Variants in POU6F2 observed in about 807,000 individuals in gnomAD.
POU6F2 encodes POU class 6 homeobox 2.
POU6F2 carries 31 observed loss-of-function variants against 71.3 expected under a neutral mutation model. The ratio of observed to expected loss-of-function variants is 0.43; its 90% confidence interval spans 0.33 to 0.59. POU6F2 has a LOEUF of 0.59. POU6F2 is among the 20% of genes least tolerant of loss of function. The pLI is 0.04. For missense variants in POU6F2, 783 were observed against 856.8 expected (o/e 0.91, Z 1.07); for synonymous variants, 347 against 355.7 (o/e 0.98, Z 0.27).
intron 6 of POU6F2, among the ~76,000 whole-genome samples, chr7:39,427,464 TTAAA>T (rs1787997724): frequency 6.6e-6 from 1 of 152,174 alleles, no homozygotes. Context: ...TTATTGCTGT[TTAAA>T]TAACATCAGT....
At chr7:39,022,652 T>A (rs1584504531) in intron 1 of POU6F2, among the ~76,000 whole-genome samples, 1 of 152,174 alleles carries the variant, frequency 6.6e-6, no homozygotes, top group East Asian at 1.9e-4. Flanking sequence ...TCACTCAGTG[T>A]AACATCTGTG....
chr7:39,259,621 G>C (rs183299302), intron 4 of POU6F2, among the ~76,000 whole-genome samples: 1 of 152,136 alleles, frequency 6.6e-6, no homozygotes, highest in Non-Finnish European at 1.5e-5. Flanking sequence ...GGGACACACA[G>C]GGAGCCTGGG....
At chr7:39,122,709 T>G (rs1190474776) in intron 2 of POU6F2, among the ~76,000 whole-genome samples, 1 of 150,586 alleles carries the variant, frequency 6.6e-6, no homozygotes, top group Non-Finnish European at 1.5e-5. Flanking sequence ...TGCCTATTTT[T>G]TTTTTTTTTT....
intron 4 of POU6F2, among the ~76,000 whole-genome samples, chr7:39,293,681 C>T (rs1784803218): frequency 1.3e-5 from 2 of 152,196 alleles, no homozygotes; most frequent in Non-Finnish European, 2.9e-5. Context: ...GTCTTTGGGT[C>T]AGCTTTGCAT....
At position 39,049,086 on chromosome 7, in the gene POU6F2, C is replaced by A. The variant is rs182409437; in HGVS notation, c.106-36774C>A. ...TCTTTATTTTGGCAATTTGTGCTTT[C>A]TTTCTTTTTATTCTTAGTTTGGCTG... On this transcript the variant is annotated intron_variant, in intron 1 of 9. Coordinates refer to ENST00000518318, the MANE Select transcript of POU6F2 (RefSeq NM_001370959.1). Among the ~76,000 whole-genome samples the A allele has an allele frequency of 2.8e-3, 431 of 151,998 alleles. 2 individuals are homozygous for A. The highest frequency in any genetic ancestry group is 0.015 in the South Asian group (71 of 4,822).
At chr7:39,256,388 G>C (rs868474286) in intron 4 of POU6F2, among the ~76,000 whole-genome samples, 2 of 152,246 alleles carry the variant, frequency 1.3e-5, no homozygotes, top group Middle Eastern at 3.4e-3. Flanking sequence ...GGGGGAAAAA[G>C]AGGGACAGTA....
chr7:39,144,025 C>T (rs1792562544), intron 2 of POU6F2, among the ~76,000 whole-genome samples: 1 of 152,094 alleles, frequency 6.6e-6, no homozygotes, highest in Non-Finnish European at 1.5e-5. Context: ...ATAGGTCTTC[C>T]TTCTTATTTC....
intron 5 of POU6F2, among the ~76,000 whole-genome samples, chr7:39,384,804 A>G (rs1332799515): frequency 6.6e-6 from 1 of 152,112 alleles, no homozygotes; most frequent in Non-Finnish European, 1.5e-5. Flanking sequence ...TGGTTTATCC[A>G]TTTGCTATTT....
At chr7:38,991,838 T>TTC (rs111327791) in intron 1 of POU6F2, among the ~76,000 whole-genome samples, 40 of 149,904 alleles carry the variant, frequency 2.7e-4, no homozygotes, top group African/African-American at 7.1e-4. Context: ...TTCCTTTCAC[T>TTC]TCTCTCTCTC....
intron 4 of POU6F2, among the ~76,000 whole-genome samples, chr7:39,266,000 A>G (rs1004015326): frequency 1.2e-4 from 18 of 152,298 alleles, no homozygotes; most frequent in African/African-American, 3.8e-4. Flanking sequence ...CTAAGATATC[A>G]ATAATAATGG....
At chr7:39,037,998 A>C (rs1338218138) in intron 1 of POU6F2, among the ~76,000 whole-genome samples, 1 of 152,118 alleles carries the variant, frequency 6.6e-6, no homozygotes, top group Non-Finnish European at 1.5e-5. Flanking sequence ...TCTTAAAGAA[A>C]GGAGTTCTCA....
intron 1 of POU6F2, among the ~76,000 whole-genome samples, chr7:39,016,978 C>G (rs768457702): frequency 1.3e-5 from 2 of 152,120 alleles, no homozygotes; most frequent in South Asian, 2.1e-4. Flanking sequence ...CTAGGGAACC[C>G]GTGAATGTCA....
At chr7:39,136,905 T>G (rs2128730918) in intron 2 of POU6F2, among the ~76,000 whole-genome samples, 1 of 150,058 alleles carries the variant, frequency 6.7e-6, no homozygotes. Context: ...GTCCCAGCTA[T>G]GCAGGAGGCT....
intron 4 of POU6F2, among the ~76,000 whole-genome samples, chr7:39,254,266 T>C (rs1462231080): frequency 6.6e-6 from 1 of 152,188 alleles, no homozygotes; most frequent in Non-Finnish European, 1.5e-5. Flanking sequence ...TATTTTTTTG[T>C]TTAAACATTC....
intron 1 of POU6F2, among the ~76,000 whole-genome samples, chr7:39,006,251 G>T (rs1480669006): frequency 1.3e-5 from 2 of 152,062 alleles, no homozygotes; most frequent in African/African-American, 4.8e-5. Context: ...ATCACCTGAG[G>T]TCAGGAGTTT....
chr7:39,102,943 A>G (rs1481674385), intron 2 of POU6F2, among the ~76,000 whole-genome samples: 1 of 152,244 alleles, frequency 6.6e-6, no homozygotes, highest in African/African-American at 2.4e-5. Context: ...ACAAAATAAG[A>G]TATAATCTTA....
intron 4 of POU6F2, among the ~76,000 whole-genome samples, chr7:39,272,924 C>G (rs939806236): frequency 2.6e-5 from 4 of 152,146 alleles, no homozygotes; most frequent in African/African-American, 9.7e-5. Flanking sequence ...TGCCCTCCTT[C>G]CAGAATTCCT....
chr7:39,354,470 G>A (rs912957094), intron 5 of POU6F2, among the ~76,000 whole-genome samples: 1 of 152,180 alleles, frequency 6.6e-6, no homozygotes, highest in African/African-American at 2.4e-5. Flanking sequence ...AGAGGAAGAA[G>A]AAACCTAGGC....
chr7:39,054,316 T>C (rs1395294252), intron 1 of POU6F2, among the ~76,000 whole-genome samples: 2 of 152,036 alleles, frequency 1.3e-5, no homozygotes, highest in South Asian at 4.2e-4. Flanking sequence ...CAACATTTCT[T>C]ATCAACCCTG....
Sources: gnomAD v4.1 joint callset for allele counts (sites outside exome capture counted in the v4.1 genomes callset) on GRCh38, gnomAD v4.1.1 for gene constraint, MANE v1.5 for transcripts, NCBI Gene and HGNC (gene_info 2026-07-23, HGNC 2026-07-21) for gene names.